Variants in OLA1 observed in about 807,000 individuals in gnomAD.
The protein encoded by OLA1 is obg-like ATPase 1.
OLA1 carries 14 observed loss-of-function variants against 48.4 expected under a neutral mutation model. The observed-to-expected ratio is 0.29, with a 90% CI of 0.19 to 0.45. The LOEUF is 0.45. Ranked by LOEUF, OLA1 falls within the 20% of genes least tolerant of loss-of-function variation. OLA1 has a pLI of 1.00. For missense variants in OLA1, 325 were observed against 467.1 expected (o/e 0.70, Z 2.80); for synonymous variants, 127 against 150.4 (o/e 0.84, Z 1.14).
chr2:174,247,707 T>C, intron 1 of OLA1: 1 of 1,551,176 alleles, frequency 6.4e-7, no homozygotes, highest in Non-Finnish European at 8.7e-7. Flanking sequence ...CCTCCCACCT[T>C]TGGCACTGAA....
At chr2:174,107,246 T>C (rs747393786) in intron 7 of OLA1, among the ~76,000 whole-genome samples, 2 of 152,204 alleles carry the variant, frequency 1.3e-5, no homozygotes, top group Non-Finnish European at 2.9e-5. Context: ...GTCTACTGAC[T>C]CACATTTTAC....
At chr2:174,138,900 G>A (rs1316473202) in intron 5 of OLA1, among the ~76,000 whole-genome samples, 1 of 152,106 alleles carries the variant, frequency 6.6e-6, no homozygotes, top group Non-Finnish European at 1.5e-5. Flanking sequence ...ATAATTTCTG[G>A]TAGTCTTTAG....
chr2:174,203,073 TAATAA>T (rs1455796715), intron 4 of OLA1, among the ~76,000 whole-genome samples: 1 of 152,186 alleles, frequency 6.6e-6, no homozygotes, highest in Non-Finnish European at 1.5e-5. Flanking sequence ...TTTCTAGATT[TAATAA>T]AATATTATCG....
intron 3 of OLA1, 91 bp downstream of exon 3, chr2:174,229,217 T>C (rs1381502137): frequency 6.8e-6 from 9 of 1,316,548 alleles, no homozygotes; most frequent in Non-Finnish European, 9.6e-6. Context: ...AATGCTACAT[T>C]AATTTTAAAA....
chr2:174,196,099 G>T (rs1360450949), intron 4 of OLA1, among the ~76,000 whole-genome samples: 2 of 151,958 alleles, frequency 1.3e-5, no homozygotes, highest in Admixed American at 6.6e-5. Context: ...ATGCTCATGC[G>T]AATATAAAAG....
intron 4 of OLA1, among the ~76,000 whole-genome samples, chr2:174,199,682 A>G (rs1345692490): frequency 6.6e-6 from 1 of 152,180 alleles, no homozygotes; most frequent in Non-Finnish European, 1.5e-5. Flanking sequence ...CCAAATGGGT[A>G]AAAGAGTCAC....
At chr2:174,089,911 A>AC (rs1685075350) in intron 7 of OLA1, among the ~76,000 whole-genome samples, 1 of 151,952 alleles carries the variant, frequency 6.6e-6, no homozygotes, top group East Asian at 1.9e-4. Flanking sequence ...CAAAAAAAAA[A>AC]AAAAAAAAAG....
At position 174,222,556 on chromosome 2, in the gene OLA1, T is replaced by C. The variant is rs149321078; in HGVS notation, c.373+477A>G. On this transcript the variant is annotated intron_variant, in intron 4 of 10. Transcript: ENST00000284719. Reference sequence around the variant, plus strand: ...TCCTATTTTTTCTCTTTCCTTTATATTCCTCTCTCCATAAGGACTAGCTGA... The same window carrying C: ...TCCTATTTTTTCTCTTTCCTTTATACTCCTCTCTCCATAAGGACTAGCTGA... Among the ~76,000 whole-genome samples, 105 of 152,312 alleles carry C rather than the reference T, an allele frequency of 6.9e-4. 1 individual carries two copies. Among genetic ancestry groups the C allele is most frequent in the African/African-American group, 2.5e-3 (102 of 41,578 alleles).
chr2:174,153,785 G>A (rs778724073), intron 4 of OLA1, among the ~76,000 whole-genome samples: 2 of 152,088 alleles, frequency 1.3e-5, no homozygotes, highest in African/African-American at 2.4e-5. Flanking sequence ...ACTAGCATTC[G>A]GCTTTCAACA....
At position 174,189,292 on chromosome 2, in the gene OLA1, T is replaced by G. The variant is rs114659786; in HGVS notation, c.373+33741A>C. On this transcript the variant is annotated intron_variant, in intron 4 of 10. Coordinates refer to ENST00000284719, the MANE Select transcript of OLA1 (RefSeq NM_013341.5). Reference sequence around the variant, plus strand: ...GTAACCATGGGTTGAGGAAAACCTTTCTGATAACTCAGTTCAACTAAAAAA... The same window carrying G: ...GTAACCATGGGTTGAGGAAAACCTTGCTGATAACTCAGTTCAACTAAAAAA... 1.3e-3 allele frequency among the ~76,000 whole-genome samples: 194 copies of G among 152,268 alleles called. 1 individual carries two copies. The highest frequency in any genetic ancestry group is 4.5e-3 in the African/African-American group (186 of 41,570).
chr2:174,183,983 G>C (rs937941719), intron 4 of OLA1, among the ~76,000 whole-genome samples: 4 of 152,092 alleles, frequency 2.6e-5, no homozygotes, highest in African/African-American at 9.7e-5. Flanking sequence ...TTCCTCTCCT[G>C]TTCTCAACCA....
At chr2:174,182,691 TG>T (rs1427965564) in intron 4 of OLA1, among the ~76,000 whole-genome samples, 1 of 152,208 alleles carries the variant, frequency 6.6e-6, no homozygotes, top group East Asian at 1.9e-4. Flanking sequence ...AAATAATTTT[TG>T]TTTCTCCCAA....
intron 4 of OLA1, among the ~76,000 whole-genome samples, chr2:174,197,537 G>C (rs1240529714): frequency 1.3e-5 from 2 of 152,032 alleles, no homozygotes; most frequent in Non-Finnish European, 2.9e-5. Context: ...TGAAGCCCAG[G>C]GGGGAAAATT....
At chr2:174,075,586 A>T (rs1207069984) in intron 10 of OLA1, 59 bp from the exon 11 acceptor site, 1 of 995,036 alleles carries the variant, frequency 1.0e-6, no homozygotes, top group East Asian at 2.4e-5. Flanking sequence ...TACATGGGGT[A>T]AATGGTGGCA....
intron 4 of OLA1, among the ~76,000 whole-genome samples, chr2:174,176,356 T>G (rs1172058912): frequency 6.6e-6 from 1 of 152,154 alleles, no homozygotes; most frequent in Non-Finnish European, 1.5e-5. Flanking sequence ...AATAGCAGTT[T>G]ATAATAATTT....
intron 4 of OLA1, among the ~76,000 whole-genome samples, chr2:174,181,800 G>A (rs1033427670): frequency 3.9e-5 from 6 of 151,972 alleles, no homozygotes; most frequent in Non-Finnish European, 5.9e-5. Context: ...CTTTAAAACC[G>A]CAAACTCCAC....
intron 4 of OLA1, among the ~76,000 whole-genome samples, chr2:174,155,526 A>G (rs1294683415): frequency 6.6e-6 from 1 of 152,264 alleles, no homozygotes; most frequent in Non-Finnish European, 1.5e-5. Context: ...AGACTGCAAT[A>G]GAAGACACAA....
intron 4 of OLA1, among the ~76,000 whole-genome samples, chr2:174,217,460 A>G (rs893380508): frequency 6.6e-6 from 1 of 152,042 alleles, no homozygotes; most frequent in Non-Finnish European, 1.5e-5. Context: ...GTGCTGAAAC[A>G]GAGTACAAGC....
At chr2:174,192,636 A>T (rs540685295) in intron 4 of OLA1, among the ~76,000 whole-genome samples, 1 of 152,310 alleles carries the variant, frequency 6.6e-6, no homozygotes, top group East Asian at 1.9e-4. Context: ...CATTTATTCC[A>T]TCTGCCTGAA....
Sources: allele counts gnomAD v4.1 joint callset (sites outside exome capture counted in the v4.1 genomes callset), GRCh38; gene constraint gnomAD v4.1.1; transcripts MANE v1.5; gene names NCBI Gene and HGNC (gene_info 2026-07-23, HGNC 2026-07-21).